Variants in CSMD1 observed in about 807,000 individuals in gnomAD.
CSMD1 encodes CUB and Sushi multiple domains 1, also known as CUB and sushi domain-containing protein 1.
Under a neutral mutation model 417.5 loss-of-function variants are expected in CSMD1, and 213 were observed. The observed-to-expected ratio is 0.51, with a 90% CI of 0.46 to 0.57. CSMD1 has a LOEUF of 0.57. Among genes scored for constraint, CSMD1 ranks in the 20% least tolerant of loss-of-function variants. The pLI, the probability that CSMD1 is intolerant of heterozygous loss-of-function variation, is 0.00. For synonymous variants in CSMD1, 2,862 were observed against 1,736.8 expected (o/e 1.65, Z -16.11); for missense variants, 6,923 against 4,529.7 (o/e 1.53, Z -15.17).
intron 3 of CSMD1, among the ~76,000 whole-genome samples, chr8:4,138,291 G>C (rs987083842): frequency 6.7e-6 from 1 of 149,802 alleles, no homozygotes; most frequent in African/African-American, 2.5e-5. Flanking sequence ...GCAAGATGCA[G>C]GTTTCAGAAT....
intron 26 of CSMD1, among the ~76,000 whole-genome samples, chr8:3,257,495 T>C (rs576617092): frequency 3.3e-5 from 5 of 152,174 alleles, no homozygotes; most frequent in African/African-American, 1.2e-4. Flanking sequence ...ATATGGACAG[T>C]GACAGTGCGT....
intron 18 of CSMD1, among the ~76,000 whole-genome samples, chr8:3,374,437 A>T (rs933711399): frequency 7.2e-5 from 11 of 152,224 alleles, no homozygotes; most frequent in Non-Finnish European, 1.3e-4. Context: ...CAAAGTTTAC[A>T]TTCTAATGGG....
At chr8:4,942,451 G>C (rs560077982) in intron 1 of CSMD1, among the ~76,000 whole-genome samples, 1 of 152,060 alleles carries the variant, frequency 6.6e-6, no homozygotes. Context: ...CAACCATCAT[G>C]ACAAAGACAG....
At chr8:3,845,034 A>C (rs1378973605) in intron 5 of CSMD1, among the ~76,000 whole-genome samples, 7 of 152,214 alleles carry the variant, frequency 4.6e-5, no homozygotes, top group Admixed American at 4.6e-4. Context: ...TAATTTTATA[A>C]CACAATAAAG....
intron 7 of CSMD1, among the ~76,000 whole-genome samples, chr8:3,681,730 C>A (rs1357045987): frequency 6.6e-6 from 1 of 152,124 alleles, no homozygotes; most frequent in African/African-American, 2.4e-5. Context: ...CCCGCATTGC[C>A]AAGTCAATCC....
intron 2 of CSMD1, among the ~76,000 whole-genome samples, chr8:4,433,378 G>C (rs1306351607): frequency 6.6e-6 from 1 of 152,088 alleles, no homozygotes; most frequent in African/African-American, 2.4e-5. Flanking sequence ...TCATGGACAT[G>C]ACATCATTAC....
intron 36 of CSMD1, among the ~76,000 whole-genome samples, chr8:3,186,497 A>T (rs1391987194): frequency 6.6e-6 from 1 of 152,234 alleles, no homozygotes; most frequent in Non-Finnish European, 1.5e-5. Flanking sequence ...GCCATGCCCA[A>T]ATAAAAATAT....
chr8:3,503,841 C>G (rs544323614), intron 10 of CSMD1, among the ~76,000 whole-genome samples: 37 of 150,234 alleles, frequency 2.5e-4, no homozygotes, highest in East Asian at 7.8e-4. Flanking sequence ...TTGCCCCCCC[C>G]CAACCCCCAC....
intron 3 of CSMD1, among the ~76,000 whole-genome samples, chr8:4,130,165 C>T (rs1272800302): frequency 3.3e-5 from 5 of 152,140 alleles, no homozygotes; most frequent in Admixed American, 6.5e-5. Context: ...AAAGACCCAA[C>T]ATCTTTTCCT....
chr8:3,352,908 C>A (rs1214998220), intron 21 of CSMD1, among the ~76,000 whole-genome samples: 3 of 151,930 alleles, frequency 2.0e-5, no homozygotes, highest in African/African-American at 7.3e-5. Flanking sequence ...TATAACAAAA[C>A]AAAAAACACA....
At chr8:3,017,041 G>T (rs186749382) in intron 52 of CSMD1, among the ~76,000 whole-genome samples, 29 of 152,336 alleles carry the variant, frequency 1.9e-4, no homozygotes, top group Admixed American at 1.7e-3. Context: ...ACCAACGAAG[G>T]CCTTTCCTGC....
At chr8:3,536,886 T>A (rs905627172) in intron 10 of CSMD1, among the ~76,000 whole-genome samples, 1 of 152,228 alleles carries the variant, frequency 6.6e-6, no homozygotes, top group Non-Finnish European at 1.5e-5. Context: ...TAGAGAAAAT[T>A]AAATCTAGTT....
intron 10 of CSMD1, among the ~76,000 whole-genome samples, chr8:3,543,276 G>A (rs572766342): frequency 1.3e-5 from 2 of 152,200 alleles, no homozygotes; most frequent in Non-Finnish European, 2.9e-5. Flanking sequence ...TTTTACAGAG[G>A]ACATCGGAGA....
At chr8:3,439,735 G>C (rs980630089) in intron 12 of CSMD1, among the ~76,000 whole-genome samples, 2 of 151,940 alleles carry the variant, frequency 1.3e-5, no homozygotes, top group Non-Finnish European at 2.9e-5. Flanking sequence ...TATTTGCCTA[G>C]TCTCAGATTG....
chr8:4,331,420 T>C (rs894081297), intron 3 of CSMD1, among the ~76,000 whole-genome samples: 7 of 152,204 alleles, frequency 4.6e-5, no homozygotes, highest in Non-Finnish European at 8.8e-5. Flanking sequence ...TGTCTTTCAG[T>C]GATTTAAAAA....
intron 2 of CSMD1, among the ~76,000 whole-genome samples, chr8:4,585,675 G>GA (rs1799663760): frequency 6.6e-6 from 1 of 152,148 alleles, no homozygotes; most frequent in South Asian, 2.1e-4. Flanking sequence ...TTTTGCAATG[G>GA]AAAAAAATTA....
intron 1 of CSMD1, among the ~76,000 whole-genome samples, chr8:4,681,582 C>A (rs183370896): frequency 2.0e-5 from 3 of 152,160 alleles, no homozygotes; most frequent in Admixed American, 2.0e-4. Context: ...ATTGAAAATA[C>A]GACGAGTGGA....
chr8:3,689,636 G>C (rs1246742421), intron 7 of CSMD1, among the ~76,000 whole-genome samples: 1 of 152,088 alleles, frequency 6.6e-6, no homozygotes, highest in Non-Finnish European at 1.5e-5. Flanking sequence ...CTTACTATGT[G>C]GCAGGCCTGG....
At chr8:3,522,310 G>C (rs529911874) in intron 10 of CSMD1, among the ~76,000 whole-genome samples, 1 of 152,148 alleles carries the variant, frequency 6.6e-6, no homozygotes, top group African/African-American at 2.4e-5. Context: ...TAAGAAAAAA[G>C]AGGAGAGGAA....
Sources: gnomAD v4.1 joint callset for allele counts (sites outside exome capture counted in the v4.1 genomes callset) on GRCh38, gnomAD v4.1.1 for gene constraint, MANE v1.5 for transcripts, NCBI Gene and HGNC (gene_info 2026-07-23, HGNC 2026-07-21) for gene names.